The following COX10 variants were observed in gnomAD, a reference collection of about 807,000 sequenced individuals.
The protein encoded by COX10 is cytochrome c oxidase assembly factor heme A:farnesyltransferase COX10.
Under a neutral mutation model 37.3 loss-of-function variants are expected in COX10, and 27 were observed. The ratio of observed to expected loss-of-function variants is 0.72; its 90% CI spans 0.53 to 1.00. The LOEUF (loss-of-function observed/expected upper bound fraction) is 1.00, where lower values mean the gene tolerates loss of function less well. Among genes scored for constraint, COX10 ranks in the 50% least tolerant of loss-of-function variants. COX10 has a pLI of 0.00. For synonymous variants in COX10, 222 were observed against 229.1 expected, an observed-to-expected ratio of 0.97 and a Z score of 0.28; for missense variants, 475 against 563.2, an observed-to-expected ratio of 0.84 and a Z score of 1.59.
At chr17:14,085,571 T>A (rs1179296684) in intron 3 of COX10, among the ~76,000 whole-genome samples, 3 of 152,156 alleles carry the variant, frequency 2.0e-5, no homozygotes, top group African/African-American at 7.2e-5. Context: ...TGTATAGAAG[T>A]ATACCTTTAT....
At chr17:14,119,484 G>A (rs1320690763) in intron 4 of COX10, among the ~76,000 whole-genome samples, 1 of 151,922 alleles carries the variant, frequency 6.6e-6, no homozygotes, top group Non-Finnish European at 1.5e-5. Flanking sequence ...GCCTAGTGAG[G>A]GATGAGAATG....
Position 14,102,003 on chromosome 17 carries a change from GTTA to G in COX10, c.500-111_500-109del, listed in dbSNP as rs1054644695. Reference sequence around the variant, plus strand: ...AGCCAAAGATCAGCCTGTACTTTGTGTTATTAATATAATCAATTAGTTTATATG... The same window carrying G: ...AGCCAAAGATCAGCCTGTACTTTGTGTTAATATAATCAATTAGTTTATATG... On this transcript the variant is annotated intron_variant, in intron 3 of 6. Transcript: ENST00000261643. 4 of 1,295,844 alleles carry G rather than the reference GTTA, an allele frequency of 3.1e-6. No individual in the cohort carries two copies. In the African/African-American group the frequency reaches 5.8e-5, roughly 19 times the overall value. 80.3% of individuals were successfully genotyped at this position (1,295,844 alleles called of 1,614,324 possible).
chr17:14,070,960 G>C (rs980865869), intron 1 of COX10, among the ~76,000 whole-genome samples: 2 of 152,214 alleles, frequency 1.3e-5, no homozygotes, highest in Non-Finnish European at 1.5e-5. Flanking sequence ...TAAGTAATGG[G>C]GGCTCATGGT....
intron 4 of COX10, among the ~76,000 whole-genome samples, chr17:14,132,184 G>A (rs1916482533): frequency 6.6e-6 from 1 of 151,972 alleles, no homozygotes; most frequent in African/African-American, 2.4e-5. Context: ...GATTAGAAAT[G>A]GATGGTTTAA....
At chr17:14,074,205 C>T (rs921670172) in intron 1 of COX10, 118 bp from the exon 2 acceptor site, 19 of 1,031,794 alleles carry the variant, frequency 1.8e-5, no homozygotes, top group Non-Finnish European at 2.8e-5. Context: ...AAGCTCTGAC[C>T]CATCACACAG....
At chr17:14,156,881 A>G (rs1006932852) in intron 4 of COX10, among the ~76,000 whole-genome samples, 3 of 152,104 alleles carry the variant, frequency 2.0e-5, no homozygotes, top group African/African-American at 7.2e-5. Context: ...CTCTTGTCTC[A>G]GTCTTTCTAG....
chr17:14,135,507 G>A (rs1904335417), intron 4 of COX10, among the ~76,000 whole-genome samples: 1 of 151,818 alleles, frequency 6.6e-6, no homozygotes, highest in South Asian at 2.1e-4. Context: ...TCAGAAGTGA[G>A]ACCCAGGGAT....
At chr17:14,115,169 T>G (rs1447996242) in intron 4 of COX10, among the ~76,000 whole-genome samples, 1 of 152,150 alleles carries the variant, frequency 6.6e-6, no homozygotes, top group African/African-American at 2.4e-5. Flanking sequence ...AAACACACAG[T>G]GTTACTTTGT....
At chr17:14,106,624 AG>A (rs1424808889) in intron 4 of COX10, among the ~76,000 whole-genome samples, 10 of 152,166 alleles carry the variant, frequency 6.6e-5, no homozygotes, top group African/African-American at 2.4e-4. Flanking sequence ...TCTGTTTGTC[AG>A]TGTGTTAAAG....
chr17:14,190,726 G>C (rs190472433), intron 5 of COX10, among the ~76,000 whole-genome samples: 1,812 of 152,038 alleles, frequency 0.012, 13 homozygotes, highest in Middle Eastern at 0.044. Flanking sequence ...CCAGCTGCTG[G>C]GCTCTCCTCT....
At chr17:14,125,009 C>A (rs7222080) in intron 4 of COX10, among the ~76,000 whole-genome samples, 2,521 of 152,228 alleles carry the variant, frequency 0.017, 23 homozygotes, top group Middle Eastern at 0.044. Flanking sequence ...AAAAAATGGT[C>A]AGTAAAATCA....
intron 4 of COX10, among the ~76,000 whole-genome samples, chr17:14,116,813 A>T (rs1414345324): frequency 6.6e-6 from 1 of 152,114 alleles, no homozygotes; most frequent in African/African-American, 2.4e-5. Context: ...TACTACTTCT[A>T]CCTTCTCCTT....
Position 14,207,350 on chromosome 17 carries a change from AGT to A in COX10, c.*138_*139del. 8.8e-7 allele frequency: 1 copy of A among 1,139,602 alleles called. No individual in the cohort carries two copies. The highest frequency in any genetic ancestry group is 1.2e-6 in the Non-Finnish European group (1 of 850,856). The allele number at this position is 1,139,602 out of a possible 1,614,324, so 70.6% of individuals were successfully genotyped here. On this transcript the variant is annotated 3_prime_UTR_variant, in exon 7 of 7. Transcript: ENST00000261643. ...ATTCGGTGCTCAGTGATCACTTGACAGTTTTTTTTTTTTTTAAATATTACCCA... is the reference window on the plus strand; with the variant it reads ...ATTCGGTGCTCAGTGATCACTTGACATTTTTTTTTTTTTAAATATTACCCA...
intron 4 of COX10, among the ~76,000 whole-genome samples, chr17:14,114,277 T>C (rs1003787973): frequency 7.9e-5 from 12 of 152,302 alleles, no homozygotes; most frequent in Admixed American, 7.8e-4. Flanking sequence ...ACTTTATAAA[T>C]AAACACTTGA....
intron 3 of COX10, among the ~76,000 whole-genome samples, chr17:14,093,937 C>T (rs1437863165): frequency 1.3e-5 from 2 of 152,158 alleles, no homozygotes; most frequent in Non-Finnish European, 2.9e-5. Context: ...CCTGTAATCC[C>T]AGTGCTTTGG....
chr17:14,130,834 A>G (rs1000023519), intron 4 of COX10, among the ~76,000 whole-genome samples: 8 of 151,560 alleles, frequency 5.3e-5, no homozygotes, highest in African/African-American at 1.9e-4. Context: ...GCTCTTCTTC[A>G]CTAAATAGTC....
At chr17:14,109,094 T>TG (rs1467296201) in intron 4 of COX10, among the ~76,000 whole-genome samples, 1 of 152,196 alleles carries the variant, frequency 6.6e-6, no homozygotes, top group Non-Finnish European at 1.5e-5. Context: ...CTGGGCAACT[T>TG]GCATTCATTC....
intron 5 of COX10, among the ~76,000 whole-genome samples, chr17:14,190,516 C>T (rs1251702145): frequency 2.0e-5 from 3 of 152,220 alleles, no homozygotes; most frequent in African/African-American, 7.2e-5. Context: ...TTGACAGCAA[C>T]ATACCCCTTA....
intron 5 of COX10, among the ~76,000 whole-genome samples, chr17:14,186,193 A>G (rs1906020499): frequency 6.6e-6 from 1 of 152,128 alleles, no homozygotes; most frequent in South Asian, 2.1e-4. Flanking sequence ...GTCCTTCTAA[A>G]AAAGCAGATC....
Sources: allele counts gnomAD v4.1 joint callset (sites outside exome capture counted in the v4.1 genomes callset), GRCh38; gene constraint gnomAD v4.1.1; transcripts MANE v1.5; gene names NCBI Gene and HGNC (gene_info 2026-07-23, HGNC 2026-07-21).